SDK2: variants seen among roughly 807,000 people sequenced by gnomAD.
The protein encoded by SDK2 is sidekick cell adhesion molecule 2.
Under a neutral mutation model 253.9 loss-of-function variants are expected in SDK2, and 105 were observed. That is an observed-to-expected ratio of 0.41 (90% CI 0.35 to 0.49). The LOEUF is 0.49. Among genes scored for constraint, SDK2 ranks in the 20% least tolerant of loss-of-function variants. The pLI is 0.06. For missense variants in SDK2, 2,608 were observed against 3,003.0 expected (o/e 0.87, Z 3.07); for synonymous variants, 1,249 against 1,234.9 (o/e 1.01, Z -0.24).
intron 1 of SDK2, among the ~76,000 whole-genome samples, chr17:73,614,636 A>AAACT: frequency 2.1e-5 from 1 of 47,744 alleles, no homozygotes. Context: ...AAGGATTGAA[A>AAACT]AGGGGGAGGG....
chr17:73,382,687 G>A (rs954133515), intron 33 of SDK2, among the ~76,000 whole-genome samples: 2 of 152,218 alleles, frequency 1.3e-5, no homozygotes, highest in Non-Finnish European at 2.9e-5. Flanking sequence ...ATTATGATGC[G>A]AGTGGCTGAT....
intron 30 of SDK2, 113 bp from the exon 31 acceptor site, chr17:73,386,661 C>A: frequency 1.4e-6 from 1 of 722,388 alleles, no homozygotes; most frequent in African/African-American, 1.7e-5. Flanking sequence ...GGGCAGGGTG[C>A]CAGCCTACTA....
chr17:73,588,387 C>CAAAAA lies in SDK2; in HGVS notation c.64+55633_64+55637dup, dbSNP rs1215654213. ...GGGCAACAAGGGCGAAACTCCATCT[C>CAAAAA]AAAAAAAAAAAAAAAAAAAAAAAAA... On this transcript the variant is annotated intron_variant, in intron 1 of 44. Coordinates refer to ENST00000392650, the MANE Select transcript of SDK2 (RefSeq NM_001144952.2). Among the ~76,000 whole-genome samples, 49 of 58,886 alleles carry CAAAAA rather than the reference C, an allele frequency of 8.3e-4. 1 individual carries two copies. The highest frequency in any genetic ancestry group is 1.5e-3 in the African/African-American group (22 of 14,516). The allele number at this position is 58,886 out of a possible 152,430, so 38.6% of individuals were successfully genotyped here. A position where few individuals can be genotyped will look rare whatever the true frequency, so the allele number is the denominator to read the frequency against.
rs1222424751 is a variant in SDK2, at chr17:73,365,475, G to A, written c.5168-80C>T. On this transcript the variant is annotated intron_variant, in intron 37 of 44. Coordinates refer to ENST00000392650, the MANE Select transcript of SDK2 (RefSeq NM_001144952.2). The stretch of plus-strand genomic sequence containing the variant: ...TCGGGTTCAGCTCCAAGGAGCTAGC[G>A]GGAGTATTGGGTCTGAGCCCGGGAG... 15 of 1,420,768 alleles carry A rather than the reference G, an allele frequency of 1.1e-5. No individual in the cohort carries two copies. The East Asian group carries it at 2.1e-4, about 20-fold the overall frequency. 88.0% of individuals were successfully genotyped at this position (1,420,768 alleles called of 1,614,324 possible).
intron 36 of SDK2, among the ~76,000 whole-genome samples, chr17:73,378,859 T>C (rs1402087653): frequency 6.6e-6 from 1 of 152,106 alleles, no homozygotes; most frequent in East Asian, 1.9e-4. Context: ...GGTTGGGGGC[T>C]GGTGGGGAGG....
In SDK2 at chr17:73,507,512, G is replaced by C. The variant is rs752102703; in HGVS notation, c.150C>G (p.Ala50=). ...TGAACTCCAGTGGCCAGCTGCCCTC[G>C]GCCATGCATGTAAGCACCAGGCGGT... ...EGNRLVLTCM[A]EGSWPLEFKW... Residue 50 remains alanine, a synonymous_variant, in exon 2 of 45, where the codon GCC becomes GCG. Transcript: ENST00000392650. 1.3e-4 allele frequency: 198 copies of C among 1,551,502 alleles called. No homozygotes were observed. The highest frequency in any genetic ancestry group is 1.7e-5 in the Non-Finnish European group (19 of 1,146,988).
chr17:73,391,361 G>A, intron 28 of SDK2, 79 bp downstream of exon 28: 1 of 753,242 alleles, frequency 1.3e-6, no homozygotes, highest in Non-Finnish European at 1.9e-6. Flanking sequence ...CCCTCAAGCT[G>A]GTAACGAAGT....
chr17:73,432,044 A>G (rs1355191641), intron 10 of SDK2, among the ~76,000 whole-genome samples: 2 of 151,630 alleles, frequency 1.3e-5, no homozygotes, highest in African/African-American at 2.4e-5. Context: ...TGGCGGGGGG[A>G]CAGCTCTGAC....
intron 12 of SDK2, among the ~76,000 whole-genome samples, chr17:73,428,663 C>T (rs1410489209): frequency 6.6e-6 from 1 of 152,160 alleles, no homozygotes; most frequent in African/African-American, 2.4e-5. Flanking sequence ...CCTGGTGACA[C>T]ATTAGAATCA....
Position 73,616,284 on chromosome 17 carries a change from G to A in SDK2, c.64+27741C>T, listed in dbSNP as rs1005305558. Among the ~76,000 whole-genome samples the A allele has an allele frequency of 2.0e-5, 3 of 151,670 alleles. No homozygotes were observed. The highest frequency in any genetic ancestry group is 2.1e-4 in the South Asian group (1 of 4,792). ...TGCTTGCCTTCCCCACCCTCTCCCCGCCTGTCTGAGCTAGACAAATTTCCA... is the reference window on the plus strand; with the variant it reads ...TGCTTGCCTTCCCCACCCTCTCCCCACCTGTCTGAGCTAGACAAATTTCCA... On this transcript the variant is annotated intron_variant, in intron 1 of 44. Coordinates refer to ENST00000392650, the MANE Select transcript of SDK2 (RefSeq NM_001144952.2). This position sits in a 1 kb window ranked among gnomAD's most constrained non-coding sequence, Gnocchi z 5.2.
chr17:73,498,743 A>G (rs2063863100), intron 2 of SDK2, among the ~76,000 whole-genome samples: 1 of 152,232 alleles, frequency 6.6e-6, no homozygotes, highest in Non-Finnish European at 1.5e-5. Flanking sequence ...GGGGCCTGGC[A>G]TGAGGTAGGT....
intron 41 of SDK2, among the ~76,000 whole-genome samples, chr17:73,351,980 C>A (rs1247197638): frequency 6.6e-6 from 1 of 151,880 alleles, no homozygotes; most frequent in Non-Finnish European, 1.5e-5. Context: ...CCTTTGTGCG[C>A]TCCAAGACAT....
At chr17:73,394,691 C>T (rs768967022) in intron 25 of SDK2, among the ~76,000 whole-genome samples, 10 of 152,136 alleles carry the variant, frequency 6.6e-5, no homozygotes, top group Non-Finnish European at 1.3e-4. Flanking sequence ...AGCAGTGAAC[C>T]ATGTGTGGAT....
In SDK2 at chr17:73,401,201, G is replaced by T; in HGVS notation, c.2790C>A (p.Ile930=). 1 of 1,549,918 alleles carries T rather than the reference G, an allele frequency of 6.5e-7. No homozygotes were observed. The highest frequency in any genetic ancestry group is 8.7e-7 in the Non-Finnish European group (1 of 1,145,516). The part of the protein sequence containing the change: ...EKNGILTGYR[I]SWEEYNRTNT... ...TGGTTCGATTGTACTCCTCCCAGGA[G>T]ATCCGGTACCCTGGGGAGAGCCGCC... The change falls in exon 21 of 45, where the codon ATC becomes ATA. Residue 930 remains isoleucine (I), a synonymous_variant. Transcript: ENST00000392650.
intron 2 of SDK2, among the ~76,000 whole-genome samples, chr17:73,474,717 G>T (rs1224933916): frequency 6.6e-6 from 1 of 152,160 alleles, no homozygotes; most frequent in African/African-American, 2.4e-5. Context: ...TCTCTCCCGA[G>T]GCGAGGGGAG....
chr17:73,366,678 CAAG>C (rs1244254864), intron 37 of SDK2, among the ~76,000 whole-genome samples: 2 of 152,192 alleles, frequency 1.3e-5, no homozygotes, highest in African/African-American at 4.8e-5. Context: ...CAACCCTGGA[CAAG>C]TAGTATAACT....
In SDK2 at chr17:73,365,280, G is replaced by A. The variant is rs757942205; in HGVS notation, c.5283C>T (p.Tyr1761=). 3.7e-6 allele frequency: 6 copies of A among 1,611,380 alleles called. No homozygotes were observed. Among genetic ancestry groups the A allele is most frequent in the African/African-American group, 2.7e-5 (2 of 74,836 alleles). ...CACCATCCACGGGGCTGCAGGGCTCGTACACCAGCCTGTAGCCCTCCAGGA... is the reference window on the plus strand; with the variant it reads ...CACCATCCACGGGGCTGCAGGGCTCATACACCAGCCTGTAGCCCTCCAGGA... ...NGILEGYRLV[Y]EPCSPVDGVS... is the part of the protein sequence containing the mutation. The change falls in exon 38 of 45, where the codon TAC becomes TAT. Residue 1761 remains tyrosine (Y), a synonymous_variant. Coordinates refer to ENST00000392650, the MANE Select transcript of SDK2 (RefSeq NM_001144952.2).
chr17:73,510,386 C>T (rs920210276), intron 1 of SDK2, among the ~76,000 whole-genome samples: 2 of 152,222 alleles, frequency 1.3e-5, no homozygotes, highest in African/African-American at 4.8e-5. Flanking sequence ...TACTAACCCT[C>T]ACTGTGGGGA....
rs767223349 is a variant in SDK2, at chr17:73,629,849, G to A, written c.64+14176C>T. On this transcript the variant is annotated intron_variant, in intron 1 of 44. Transcript: ENST00000392650. The surrounding 1 kb of genome is among the most constrained non-coding windows in gnomAD (Gnocchi z 5.0). ...TTTGGTTATCCATTGGCTCATGGGG[G>A]TTACTTTGGAGCTTCTAGAAAAGCT... Among the ~76,000 whole-genome samples, 12 of 152,242 alleles carry A rather than the reference G, an allele frequency of 7.9e-5. No individual in the cohort carries two copies. The highest frequency in any genetic ancestry group is 2.9e-4 in the African/African-American group (12 of 41,532).
Sources: gnomAD v4.1 joint callset for allele counts (sites outside exome capture counted in the v4.1 genomes callset) on GRCh38, gnomAD v4.1.1 for gene constraint, Gnocchi (gnomAD v3.1) non-coding constraint, MANE v1.5 for transcripts, NCBI Gene and HGNC (gene_info 2026-07-23, HGNC 2026-07-21) for gene names.